The following ARHGAP28 variants were observed in gnomAD, a reference collection of about 807,000 sequenced individuals.
ARHGAP28 encodes Rho GTPase activating protein 28.
In ARHGAP28, 56 loss-of-function variants were observed where a neutral mutation model predicts 90.7. That is an observed-to-expected ratio of 0.62 (90% confidence interval 0.50 to 0.77). The LOEUF (loss-of-function observed/expected upper bound fraction) is 0.77, where lower values mean the gene tolerates loss of function less well. Among genes scored for constraint, ARHGAP28 ranks in the 30% least tolerant of loss-of-function variants. The pLI, the probability that ARHGAP28 is intolerant of heterozygous loss-of-function variation, is 0.00. For synonymous variants in ARHGAP28, 308 were observed against 323.3 expected, an observed-to-expected ratio of 0.95 and a Z score of 0.51; for missense variants, 869 against 900.9, an observed-to-expected ratio of 0.96 and a Z score of 0.45.
At chr18:6,746,935 G>GCACTGTATA (rs71370578) in intron 1 of ARHGAP28, among the ~76,000 whole-genome samples, 56,738 of 151,522 alleles carry the variant, frequency 0.37, 12,268 homozygotes, top group East Asian at 0.54. Flanking sequence ...ACAAAAAACA[G>GCACTGTATA]CACTGTATAT....
At chr18:6,757,291 G>C (rs538667968) in intron 1 of ARHGAP28, among the ~76,000 whole-genome samples, 1 of 152,128 alleles carries the variant, frequency 6.6e-6, no homozygotes, top group African/African-American at 2.4e-5. Flanking sequence ...TTAGACATTC[G>C]CAGAGATATG....
At chr18:6,840,013 T>C (rs545758336) in intron 3 of ARHGAP28, among the ~76,000 whole-genome samples, 1 of 152,314 alleles carries the variant, frequency 6.6e-6, no homozygotes, top group East Asian at 1.9e-4. Context: ...GCTGGAGCAC[T>C]GGGATACCCT....
chr18:6,850,781 T>A, intron 3 of ARHGAP28: 1 of 1,508,936 alleles, frequency 6.6e-7, no homozygotes. Flanking sequence ...GAAAAGAAAG[T>A]GGGTTTTGGC....
chr18:6,838,545 A>G (rs2056771436), intron 3 of ARHGAP28, among the ~76,000 whole-genome samples: 1 of 152,224 alleles, frequency 6.6e-6, no homozygotes, highest in South Asian at 2.1e-4. Flanking sequence ...AGTGATGGAA[A>G]TAGTCTACTT....
chr18:6,844,537 G>C (rs1430527277), intron 3 of ARHGAP28, among the ~76,000 whole-genome samples: 1 of 152,122 alleles, frequency 6.6e-6, no homozygotes, highest in Non-Finnish European at 1.5e-5. Flanking sequence ...CCACAAATCT[G>C]TATGAATGTA....
In ARHGAP28 at chr18:6,827,329, C is replaced by G. The variant is rs1470023862; in HGVS notation, c.325+2365C>G. On this transcript the variant is annotated intron_variant, in intron 2 of 17. Coordinates refer to ENST00000383472, the MANE Select transcript of ARHGAP28 (RefSeq NM_001366230.1). ...GCCGGGCGGGGGGCTGAACCCTCCA[C>G]CTCCCTCCCGGACGGGGCGGCTGGC... Among the ~76,000 whole-genome samples, 4 of 148,920 alleles carry G rather than the reference C, an allele frequency of 2.7e-5. 1 individual carries two copies. Among genetic ancestry groups the G allele is most frequent in the African/African-American group, 9.9e-5 (4 of 40,418 alleles).
intron 12 of ARHGAP28, 114 bp from the exon 13 acceptor site, chr18:6,889,774 C>G: frequency 1.0e-6 from 1 of 973,134 alleles, no homozygotes; most frequent in African/African-American, 1.6e-5. Flanking sequence ...TTTAACCATT[C>G]TATACTTCTG....
intron 3 of ARHGAP28, among the ~76,000 whole-genome samples, chr18:6,839,285 C>G (rs893629685): frequency 2.7e-5 from 4 of 148,726 alleles, no homozygotes; most frequent in African/African-American, 4.9e-5. Context: ...TCACATTAAC[C>G]AGCATAATTT....
At chr18:6,790,885 G>A (rs555710611) in intron 1 of ARHGAP28, 1 of 152,098 alleles carries the variant, frequency 6.6e-6, no homozygotes, top group African/African-American at 2.4e-5. Flanking sequence ...AGGAATGAAA[G>A]AATGAATGGT....
At chr18:6,867,926 A>G (rs913481703) in intron 5 of ARHGAP28, among the ~76,000 whole-genome samples, 12 of 152,360 alleles carry the variant, frequency 7.9e-5, no homozygotes, top group African/African-American at 2.9e-4. Flanking sequence ...AAGCACAGTT[A>G]TATGGACCTT....
intron 3 of ARHGAP28, among the ~76,000 whole-genome samples, chr18:6,847,306 TG>T (rs1288183667): frequency 6.6e-6 from 1 of 152,152 alleles, no homozygotes; most frequent in Non-Finnish European, 1.5e-5. Context: ...CTCATTATTC[TG>T]GGCTTATTTT....
intron 16 of ARHGAP28, among the ~76,000 whole-genome samples, chr18:6,907,261 A>T (rs1230966725): frequency 6.6e-6 from 1 of 152,174 alleles, no homozygotes; most frequent in East Asian, 1.9e-4. Context: ...TTCTTAAAAA[A>T]CTAAATCTCC....
chr18:6,731,970 A>G (rs2055886346), intron 1 of ARHGAP28, among the ~76,000 whole-genome samples: 1 of 151,880 alleles, frequency 6.6e-6, no homozygotes, highest in Admixed American at 6.6e-5. Context: ...AATGACCAGA[A>G]TGGCCCTAGA....
intron 1 of ARHGAP28, among the ~76,000 whole-genome samples, chr18:6,734,244 C>G (rs572021585): frequency 9.9e-5 from 15 of 152,208 alleles, no homozygotes; most frequent in Admixed American, 2.0e-4. Context: ...AATAATTTCA[C>G]TGATAAAATG....
chr18:6,824,049 A>T (rs2056644059), intron 1 of ARHGAP28, among the ~76,000 whole-genome samples: 2 of 152,166 alleles, frequency 1.3e-5, no homozygotes, highest in African/African-American at 2.4e-5. Flanking sequence ...TGTTTGTTTA[A>T]TAATAACCAC....
At position 6,907,742 on chromosome 18, in the gene ARHGAP28, A is replaced by T. The variant is rs555374133; in HGVS notation, c.2031-1218A>T. Among the ~76,000 whole-genome samples, 3 of 152,236 alleles carry T rather than the reference A, an allele frequency of 2.0e-5. No homozygotes were observed. The East Asian group carries it at 5.8e-4, about 29-fold the overall frequency. ...TGGAAATGTTCTGCATCTTCCCTGAATGGGTGTCAACATTCTGGTCATGAT... is the reference window on the plus strand; with the variant it reads ...TGGAAATGTTCTGCATCTTCCCTGATTGGGTGTCAACATTCTGGTCATGAT... On this transcript the variant is annotated intron_variant, in intron 16 of 17. Coordinates refer to ENST00000383472, the MANE Select transcript of ARHGAP28 (RefSeq NM_001366230.1).
At chr18:6,802,332 G>GTT (rs1199862937) in intron 1 of ARHGAP28, among the ~76,000 whole-genome samples, 100 of 77,738 alleles carry the variant, frequency 1.3e-3, no homozygotes, top group South Asian at 2.5e-3. Context: ...TCATATGGTA[G>GTT]TTCTTTTTTT....
intron 4 of ARHGAP28, among the ~76,000 whole-genome samples, chr18:6,853,474 A>ATTT (rs34117123): frequency 1.8e-4 from 27 of 146,322 alleles, no homozygotes; most frequent in African/African-American, 4.8e-4. Context: ...TTGCCAATCA[A>ATTT]TTTTTTTTTT....
chr18:6,854,949 A>G (rs1414513143), intron 4 of ARHGAP28, among the ~76,000 whole-genome samples: 1 of 152,146 alleles, frequency 6.6e-6, no homozygotes, highest in African/African-American at 2.4e-5. Flanking sequence ...CGGTGTGCAC[A>G]TGCTCAGGGT....
Sources: allele counts gnomAD v4.1 joint callset (sites outside exome capture counted in the v4.1 genomes callset), GRCh38; gene constraint gnomAD v4.1.1; transcripts MANE v1.5; gene names NCBI Gene and HGNC (gene_info 2026-07-23, HGNC 2026-07-21).